Variants in STC1 observed in about 807,000 individuals in gnomAD.
The protein encoded by STC1 is stanniocalcin 1, also known as stanniocalcin-1.
Under a neutral mutation model 22.6 loss-of-function variants are expected in STC1, and 7 were observed. That is an observed-to-expected ratio of 0.31 (90% CI 0.18 to 0.58). The LOEUF is 0.58. STC1 is among the 20% of genes least tolerant of loss of function. The pLI is 0.89. For missense variants in STC1, 224 were observed against 311.0 expected, an observed-to-expected ratio of 0.72 and a Z score of 2.10; for synonymous variants, 113 against 120.7, an observed-to-expected ratio of 0.94 and a Z score of 0.42.
chr8:23,854,728 C>G lies in STC1; in HGVS notation c.-205G>C. 1 of 589,936 alleles carries G rather than the reference C, an allele frequency of 1.7e-6. No homozygotes were observed. The allele number at this position is 589,936 out of a possible 1,614,324, so 36.5% of individuals were successfully genotyped here. On this transcript the variant is annotated 5_prime_UTR_variant, in exon 1 of 4. Coordinates refer to ENST00000290271, the MANE Select transcript of STC1 (RefSeq NM_003155.3). ...TCCGCTGCTGCTGCTGCTGCCGCCGCTGCTGCTGCTGCTGCCACCGCCGCT... is the reference window on the plus strand; with the variant it reads ...TCCGCTGCTGCTGCTGCTGCCGCCGGTGCTGCTGCTGCTGCCACCGCCGCT...
At chr8:23,846,764 C>T (rs1802577952) in intron 3 of STC1, among the ~76,000 whole-genome samples, 1 of 152,288 alleles carries the variant, frequency 6.6e-6, no homozygotes, top group Middle Eastern at 3.4e-3. Context: ...CTGGGACTCT[C>T]TGGCACAGAG....
rs1484796465 is a variant in STC1 at position 23,842,132 on chromosome 8, C to T, written c.*2638G>A. 1 of 152,504 alleles carries T rather than the reference C, an allele frequency of 6.6e-6. No homozygotes were observed. Among genetic ancestry groups the T allele is most frequent in the African/African-American group, 2.4e-5 (1 of 41,414 alleles). The allele number at this position is 152,504 out of a possible 1,614,324, so 9.4% of individuals were successfully genotyped here. A position where few individuals can be genotyped will look rare whatever the true frequency, so the allele number is the denominator to read the frequency against. Reference sequence around the variant, plus strand: ...TAAATAATGACATATACCAGATATGCTCACTGTTTATTCCAGTACTCAGCC... The same window carrying T: ...TAAATAATGACATATACCAGATATGTTCACTGTTTATTCCAGTACTCAGCC... On this transcript the variant is annotated 3_prime_UTR_variant, in exon 4 of 4. Transcript: ENST00000290271.
intron 3 of STC1, 44 bp from the exon 4 acceptor site, chr8:23,845,084 G>A: frequency 6.3e-7 from 1 of 1,596,708 alleles, no homozygotes; most frequent in Non-Finnish European, 8.5e-7. Flanking sequence ...CCCAGTGAGA[G>A]CCCGGCGAGA....
chr8:23,851,944 G>A (rs1802643195), intron 2 of STC1, among the ~76,000 whole-genome samples: 1 of 151,962 alleles, frequency 6.6e-6, no homozygotes, highest in Non-Finnish European at 1.5e-5. Flanking sequence ...AATCTTTTTG[G>A]CTTATTACCC....
chr8:23,850,232 G>A (rs952541976), intron 3 of STC1, among the ~76,000 whole-genome samples: 1 of 152,330 alleles, frequency 6.6e-6, no homozygotes, highest in South Asian at 2.1e-4. Flanking sequence ...GGACTTGGCT[G>A]TTGCCACTGT....
In STC1 at chr8:23,851,551, A is replaced by G; in HGVS notation, c.262-20T>C. On this transcript the variant is annotated intron_variant, in intron 2 of 3. Transcript: ENST00000290271. ...TTTTCCCTGCCATGGAGGAAGGACAAGAGGGAGGTCTTTAGCTTGACCTGA... is the reference window on the plus strand; with the variant it reads ...TTTTCCCTGCCATGGAGGAAGGACAGGAGGGAGGTCTTTAGCTTGACCTGA... The G allele has an allele frequency of 1.2e-6, 2 of 1,613,010 alleles. No individual in the cohort carries two copies. The highest frequency in any genetic ancestry group is 2.2e-5 in the South Asian group (2 of 90,932).
chr8:23,851,623 G>A, intron 2 of STC1, 92 bp from the exon 3 acceptor site: 2 of 1,108,526 alleles, frequency 1.8e-6, no homozygotes, highest in Non-Finnish European at 2.7e-6. Context: ...GGGCTCATCT[G>A]GGCAACGTAT....
At chr8:23,853,511 C>T (rs1802663107) in intron 1 of STC1, among the ~76,000 whole-genome samples, 1 of 152,172 alleles carries the variant, frequency 6.6e-6, no homozygotes, top group Non-Finnish European at 1.5e-5. Context: ...CGGCAGGGAC[C>T]TGTGCTCTTC....
chr8:23,845,551 C>T (rs1414156962), intron 3 of STC1, among the ~76,000 whole-genome samples: 1 of 144,800 alleles, frequency 6.9e-6, no homozygotes, highest in Non-Finnish European at 1.5e-5. Flanking sequence ...TGTGTGGGCA[C>T]AGGTGTGTGT....
At chr8:23,854,351 A>G (rs1047588608) in intron 1 of STC1, 55 bp downstream of exon 1, 3 of 1,462,808 alleles carry the variant, frequency 2.1e-6, no homozygotes, top group Non-Finnish European at 2.9e-6. Flanking sequence ...CAAAAGGGAG[A>G]GGCAAATGAG....
chr8:23,852,485 G>T, intron 1 of STC1, 101 bp from the exon 2 acceptor site: 1 of 1,310,406 alleles, frequency 7.6e-7, no homozygotes, highest in African/African-American at 1.5e-5. Flanking sequence ...GAGGTCAGAA[G>T]AACTTATCCT....
rs758551975 is a variant in STC1 at position 23,844,765 on chromosome 8, C to T, written c.*5G>A. On this transcript the variant is annotated 3_prime_UTR_variant, in exon 4 of 4. Transcript: ENST00000290271. ...TTGGTGAGGTTGTGAATAACCTCTC[C>T]CTGGTTATGCACTCTCATGGGATGT... 2.5e-6 allele frequency: 4 copies of T among 1,612,450 alleles called. No individual in the cohort carries two copies. The highest frequency in any genetic ancestry group is 1.1e-5 in the South Asian group (1 of 91,064).
chr8:23,844,987 C>G lies in STC1; in HGVS notation c.527G>C (p.Ser176Thr). Residue 176 changes from serine to threonine, a missense_variant, in exon 4 of 4, where the codon AGC (serine) becomes ACC (threonine). Physicochemically the swap from Ser to Thr is moderately conservative, Grantham distance 58. Transcript: ENST00000290271. ...CTCCATCAGGCTGTCTCTGATTGTG[C>G]TGACTGTGTCTTCATCACATTCCAG... The part of the protein sequence containing the change: ...SLLECDEDTV[S>T]TIRDSLMEKI... The G allele has an allele frequency of 6.2e-7, 1 of 1,614,182 alleles. No homozygotes were observed.
chr8:23,845,179 G>A, intron 3 of STC1, 139 bp from the exon 4 acceptor site: 1 of 891,456 alleles, frequency 1.1e-6, no homozygotes, highest in South Asian at 1.7e-5. Flanking sequence ...GCTGAAGGTG[G>A]CTTTTGCTCT....
rs1056616191 is a variant in STC1 at position 23,854,684 on chromosome 8, T to C, written c.-161A>G. 4 of 752,890 alleles carry C rather than the reference T, an allele frequency of 5.3e-6. No individual in the cohort carries two copies. Among genetic ancestry groups the C allele is most frequent in the African/African-American group, 1.7e-5 (1 of 57,560 alleles). 46.6% of individuals were successfully genotyped at this position (752,890 alleles called of 1,614,324 possible). ...TTTTTGTTGTTGTTGCTGGTGATGCTGCTGCTGCCACCGGTGCCTCCGCTG... is the reference window on the plus strand; with the variant it reads ...TTTTTGTTGTTGTTGCTGGTGATGCCGCTGCTGCCACCGGTGCCTCCGCTG... On this transcript the variant is annotated 5_prime_UTR_variant, in exon 1 of 4. Coordinates refer to ENST00000290271, the MANE Select transcript of STC1 (RefSeq NM_003155.3).
intron 3 of STC1, among the ~76,000 whole-genome samples, chr8:23,845,288 T>C (rs572101494): frequency 1.2e-4 from 19 of 152,290 alleles, no homozygotes; most frequent in Non-Finnish European, 1.8e-4. Flanking sequence ...TGAGGAGATT[T>C]AGATCACACT....
chr8:23,849,631 T>C (rs1298273780), intron 3 of STC1, among the ~76,000 whole-genome samples: 1 of 152,168 alleles, frequency 6.6e-6, no homozygotes, highest in Admixed American at 6.5e-5. Context: ...GCCTTTCTAA[T>C]GGAAGATGCT....
At position 23,843,302 on chromosome 8, in the gene STC1, T is replaced by C. The variant is rs1382594572; in HGVS notation, c.*1468A>G. 2 of 150,040 alleles carry C rather than the reference T, an allele frequency of 1.3e-5. No individual in the cohort carries two copies. Among genetic ancestry groups the C allele is most frequent in the Non-Finnish European group, 3.0e-5 (2 of 67,232 alleles). The allele number at this position is 150,040 out of a possible 1,614,324, so 9.3% of individuals were successfully genotyped here. A position where few individuals can be genotyped will look rare whatever the true frequency, so the allele number is the denominator to read the frequency against. ...CCAGCTCTTTTTCCCTCTTTCTTTC[T>C]TTTTTTTTTCTTTTTTTCTATTTTT... On this transcript the variant is annotated 3_prime_UTR_variant, in exon 4 of 4. Transcript: ENST00000290271.
rs950254076 is a variant in STC1, at chr8:23,844,499, A to G, written c.*271T>C. 2.1e-6 allele frequency: 1 copy of G among 471,806 alleles called. No individual in the cohort carries two copies. Among genetic ancestry groups the G allele is most frequent in the Non-Finnish European group, 3.8e-6 (1 of 261,798 alleles). 29.2% of individuals were successfully genotyped at this position (471,806 alleles called of 1,614,324 possible). A position where few individuals can be genotyped will look rare whatever the true frequency, so the allele number is the denominator to read the frequency against. On this transcript the variant is annotated 3_prime_UTR_variant, in exon 4 of 4. Transcript: ENST00000290271. ...GGGGGTGGTCTCAGGGGAGCAGGGG[A>G]AAAACATGGCAGAGGAAGTTGGTAA...
Sources: gnomAD v4.1 joint callset for allele counts (sites outside exome capture counted in the v4.1 genomes callset) on GRCh38, gnomAD v4.1.1 for gene constraint, MANE v1.5 for transcripts, NCBI Gene and HGNC (gene_info 2026-07-23, HGNC 2026-07-21) for gene names.